NEURL1: variants seen among roughly 807,000 people sequenced by gnomAD.
NEURL1 encodes the protein neuralized E3 ubiquitin protein ligase 1.
A neutral mutation model predicts 41.2 loss-of-function variants in NEURL1; 26 were observed. That is an observed-to-expected ratio of 0.63 (90% CI 0.46 to 0.87). The LOEUF is 0.87. Ranked by LOEUF, NEURL1 falls within the 40% of genes least tolerant of loss-of-function variation. NEURL1 has a pLI of 0.00. For synonymous variants in NEURL1, 400 were observed against 402.3 expected (o/e 0.99, Z 0.07); for missense variants, 761 against 871.1 (o/e 0.87, Z 1.59).
intron 1 of NEURL1, among the ~76,000 whole-genome samples, chr10:103,513,066 A>G (rs1592185134): frequency 6.8e-6 from 1 of 146,826 alleles, no homozygotes; most frequent in African/African-American, 2.5e-5. Context: ...CTCCATTGAC[A>G]CCCCCCCAGG....
chr10:103,504,404 GTCTC>G (rs559168389), intron 1 of NEURL1, among the ~76,000 whole-genome samples: 296 of 152,276 alleles, frequency 1.9e-3, no homozygotes, highest in Admixed American at 4.8e-3. Context: ...TTTGTAGACT[GTCTC>G]TCTATTGGGA....
chr10:103,512,784 A>G (rs1451267135), intron 1 of NEURL1, among the ~76,000 whole-genome samples: 2 of 151,910 alleles, frequency 1.3e-5, no homozygotes, highest in African/African-American at 4.8e-5. Context: ...TAAATAATTA[A>G]ATTCTTATCT....
rs56098530 is a variant in NEURL1, at chr10:103,503,788, C to CTTTTTTTTT, written c.85+9328_85+9336dup. On this transcript the variant is annotated intron_variant, in intron 1 of 5. Coordinates refer to ENST00000369780, the MANE Select transcript of NEURL1 (RefSeq NM_004210.5). The stretch of plus-strand genomic sequence containing the variant: ...AGAGCTCATGCTGTGCTCCCCCTGG[C>CTTTTTTTTT]TTTTTTTTTTTTTTTTTTTTGAGAC... 8.1e-5 allele frequency among the ~76,000 whole-genome samples: 9 copies of CTTTTTTTTT among 110,586 alleles called. 4 individuals carry two copies. The highest frequency in any genetic ancestry group is 8.7e-5 in the Non-Finnish European group (5 of 57,744). The allele number at this position is 110,586 out of a possible 152,430, so 72.5% of individuals were successfully genotyped here.
chr10:103,579,778 C>CA (rs1382347471), intron 3 of NEURL1, among the ~76,000 whole-genome samples: 2 of 151,914 alleles, frequency 1.3e-5, no homozygotes, highest in African/African-American at 2.4e-5. Flanking sequence ...CCTGTCTCTA[C>CA]AAAAAATACA....
At position 103,571,752 on chromosome 10, in the gene NEURL1, G is replaced by A; in HGVS notation, c.579G>A (p.Gly193=). The part of the protein sequence containing the change: ...NDSAVMLFFS[G]VRTADPLWAL... ...CGGCTGTTATGCTGTTCTTCAGCGGGGTCCGCACGGCCGACCCGCTCTGGG... is the reference window on the plus strand; with the variant it reads ...CGGCTGTTATGCTGTTCTTCAGCGGAGTCCGCACGGCCGACCCGCTCTGGG... The change falls in exon 3 of 6, where the codon GGG becomes GGA. Residue 193 remains glycine, a synonymous_variant. Transcript: ENST00000369780. The A allele has an allele frequency of 2.5e-6, 4 of 1,614,110 alleles. No individual in the cohort carries two copies. The highest frequency in any genetic ancestry group is 2.2e-5 in the South Asian group (2 of 91,084).
Position 103,544,668 on chromosome 10 carries a change from C to T in NEURL1, c.86-26204C>T, listed in dbSNP as rs960342286. Among the ~76,000 whole-genome samples, 16 of 152,218 alleles carry T rather than the reference C, an allele frequency of 1.1e-4. No homozygotes were observed. The East Asian group carries it at 1.7e-3, about 16-fold the overall frequency. On this transcript the variant is annotated intron_variant, in intron 1 of 5. Transcript: ENST00000369780. ...ATGTAGCCCACCTCCTTCACTTGCC[C>T]TGAGAACAAAGAGCTCTCTTCCCCA...
chr10:103,543,088 G>A (rs545900311), intron 1 of NEURL1, among the ~76,000 whole-genome samples: 3 of 152,328 alleles, frequency 2.0e-5, no homozygotes, highest in East Asian at 3.9e-4. Context: ...AGCTGGAGGC[G>A]CTCTGTCCCC....
At chr10:103,525,637 A>G (rs1233802462) in intron 1 of NEURL1, among the ~76,000 whole-genome samples, 3 of 152,128 alleles carry the variant, frequency 2.0e-5, no homozygotes, top group Admixed American at 6.5e-5. Context: ...TACAGGTGTG[A>G]GCCATCGTGA....
chr10:103,531,810 G>A (rs2034579439), intron 1 of NEURL1, among the ~76,000 whole-genome samples: 1 of 152,040 alleles, frequency 6.6e-6, no homozygotes, highest in Non-Finnish European at 1.5e-5. Context: ...ATGAGCCACT[G>A]TGCCTGGCCT....
chr10:103,518,234 A>T (rs894725576), intron 1 of NEURL1, among the ~76,000 whole-genome samples: 4 of 110,832 alleles, frequency 3.6e-5, no homozygotes, highest in Admixed American at 9.9e-5. Flanking sequence ...ACCATGATTT[A>T]AAAAAAAAGT....
intron 3 of NEURL1, among the ~76,000 whole-genome samples, chr10:103,575,757 G>A (rs1312205812): frequency 2.7e-5 from 4 of 150,280 alleles, no homozygotes; most frequent in Non-Finnish European, 4.5e-5. Context: ...TCTTTCTTTG[G>A]GGCGCCCTGG....
chr10:103,537,895 C>T (rs560695176), intron 1 of NEURL1, among the ~76,000 whole-genome samples: 208 of 152,200 alleles, frequency 1.4e-3, no homozygotes, highest in Non-Finnish European at 1.5e-3. Context: ...TCTCCTACTC[C>T]TCCCTGCTGC....
chr10:103,543,217 G>C (rs1438870913), intron 1 of NEURL1, among the ~76,000 whole-genome samples: 1 of 152,332 alleles, frequency 6.6e-6, no homozygotes, highest in East Asian at 1.9e-4. Flanking sequence ...GCTGCCTCCA[G>C]GGAAGATGGT....
chr10:103,553,538 C>G (rs2035080259), intron 1 of NEURL1, among the ~76,000 whole-genome samples: 1 of 152,148 alleles, frequency 6.6e-6, no homozygotes, highest in African/African-American at 2.4e-5. Context: ...GGAGCATCGG[C>G]CGACTGGGCT....
At chr10:103,548,960 T>C (rs912843635) in intron 1 of NEURL1, 1 of 152,264 alleles carries the variant, frequency 6.6e-6, no homozygotes, top group Non-Finnish European at 1.5e-5. Context: ...ACACAGATCT[T>C]ATCATAGGCA....
Position 103,584,778 on chromosome 10 carries a change from G to A in NEURL1, c.892G>A (p.Ala298Thr). 1.4e-6 allele frequency: 2 copies of A among 1,429,964 alleles called. No individual in the cohort carries two copies. The highest frequency in any genetic ancestry group is 1.8e-6 in the Non-Finnish European group (2 of 1,093,020). 88.6% of individuals were successfully genotyped at this position (1,429,964 alleles called of 1,614,324 possible). A position where few individuals can be genotyped will look rare whatever the true frequency, so the allele number is the denominator to read the frequency against. Reference protein sequence around the residue: ...AQLDGDLRFHALRAGAHVRIL... With the variant: ...AQLDGDLRFHTLRAGAHVRIL... ...GCTCGACGGCGACCTGCGTTTCCAC[G>A]CCCTGCGCGCCGGCGCGCACGTCCG... The change falls in exon 4 of 6, where the codon GCC (alanine) becomes ACC (threonine). Residue 298 changes from alanine (A) to threonine (T), a missense_variant. Ala to Thr is a moderately conservative substitution (Grantham distance 58). This residue lies in a region of NEURL1 where 443 missense variants were observed against 408.1 expected (regional missense o/e 1.09). Coordinates refer to ENST00000369780, the MANE Select transcript of NEURL1 (RefSeq NM_004210.5).
At chr10:103,555,893 G>A (rs1159945685) in intron 1 of NEURL1, among the ~76,000 whole-genome samples, 1 of 152,174 alleles carries the variant, frequency 6.6e-6, no homozygotes, top group Non-Finnish European at 1.5e-5. Flanking sequence ...TTCTATGCTG[G>A]AGCCCCGCAA....
At chr10:103,555,686 G>T (rs1345158542) in intron 1 of NEURL1, among the ~76,000 whole-genome samples, 1 of 150,930 alleles carries the variant, frequency 6.6e-6, no homozygotes, top group African/African-American at 2.4e-5. Context: ...TCCCCACAAA[G>T]TCTCCTTGTC....
intron 1 of NEURL1, chr10:103,550,676 T>G (rs1313484488): frequency 6.6e-6 from 1 of 152,270 alleles, no homozygotes; most frequent in Non-Finnish European, 1.5e-5. Flanking sequence ...ACCCTTCTGC[T>G]TCCTTAAGGA....
Sources: allele counts gnomAD v4.1 joint callset (sites outside exome capture counted in the v4.1 genomes callset), GRCh38; gene constraint gnomAD v4.1.1; regional missense constraint gnomAD v4.1.1; transcripts MANE v1.5; gene names NCBI Gene and HGNC (gene_info 2026-07-23, HGNC 2026-07-21).